MATN4: variants seen among roughly 807,000 people sequenced by gnomAD.
MATN4 encodes matrilin 4.
MATN4 carries 40 observed loss-of-function variants against 54.6 expected under a neutral mutation model. The ratio of observed to expected loss-of-function variants is 0.73; its 90% CI spans 0.57 to 0.95. The LOEUF (loss-of-function observed/expected upper bound fraction) is 0.95. Among genes scored for constraint, MATN4 ranks in the 40% least tolerant of loss-of-function variants. The pLI is 0.00. For synonymous variants in MATN4, 351 were observed against 345.3 expected (o/e 1.02, Z -0.18); for missense variants, 810 against 819.1 (o/e 0.99, Z 0.13).
chr20:45,298,961 C>T lies in MATN4; in HGVS notation c.1013-378G>A, dbSNP rs759194427. On this transcript the variant is annotated intron_variant, in intron 6 of 9. Transcript: ENST00000372756. This position sits in a 1 kb window ranked among gnomAD's most constrained non-coding sequence, Gnocchi z 4.6. ...TAATAATAACAAAAACATTATTTACCGACAGCTTACCATGTGGTAGGTACT... is the reference window on the plus strand; with the variant it reads ...TAATAATAACAAAAACATTATTTACTGACAGCTTACCATGTGGTAGGTACT... Among the ~76,000 whole-genome samples, 1 of 152,060 alleles carries T rather than the reference C, an allele frequency of 6.6e-6. No individual in the cohort carries two copies. Among genetic ancestry groups the T allele is most frequent in the Non-Finnish European group, 1.5e-5 (1 of 68,032 alleles).
At chr20:45,296,774 T>G (rs1041454399) in intron 8 of MATN4, among the ~76,000 whole-genome samples, 1 of 152,052 alleles carries the variant, frequency 6.6e-6, no homozygotes, top group Non-Finnish European at 1.5e-5. Flanking sequence ...GGACTGTATG[T>G]GTATATTTGT....
intron 1 of MATN4, among the ~76,000 whole-genome samples, chr20:45,306,666 G>GT (rs1986708383): frequency 6.6e-6 from 1 of 152,268 alleles, no homozygotes; most frequent in African/African-American, 2.4e-5. Flanking sequence ...CTTGGCGCCT[G>GT]TTTCCCGCCT....
At chr20:45,307,061 C>T (rs1986770927) in intron 1 of MATN4, 1 of 606,084 alleles carries the variant, frequency 1.6e-6, no homozygotes, top group African/African-American at 1.9e-5. Flanking sequence ...AGGCAGCCCG[C>T]CGAACTGCAA....
At chr20:45,303,360 T>G in intron 3 of MATN4, 2 of 704,662 alleles carry the variant, frequency 2.8e-6, no homozygotes, top group South Asian at 3.0e-5. Context: ...TCAGGAGCAG[T>G]GAGATTGCAG....
At chr20:45,303,641 T>C in intron 3 of MATN4, 1 of 605,972 alleles carries the variant, frequency 1.7e-6, no homozygotes, top group Non-Finnish European at 3.0e-6. Context: ...AATGACTAAT[T>C]TGAGAAGGGC....
intron 1 of MATN4, 31 bp downstream of exon 1, chr20:45,308,144 C>T: frequency 6.2e-7 from 1 of 1,611,112 alleles, no homozygotes; most frequent in Non-Finnish European, 8.5e-7. Context: ...CCCCTGCAGA[C>T]CCCTCAGTGC....
chr20:45,300,913 A>C lies in MATN4; in HGVS notation c.986T>G (p.Leu329Arg), dbSNP rs1429434935. 6.2e-7 allele frequency: 1 copy of C among 1,613,290 alleles called. No individual in the cohort carries two copies. Among genetic ancestry groups the C allele is most frequent in the Non-Finnish European group, 8.5e-7 (1 of 1,180,054 alleles). ...YRCLCPEGRQ[L>R]QADGKSCNRC... ...GTTGCAGCTCTTGCCATCTGCCTGAAGTTGCCGCCCCTCGGGGCACAGGCA... is the reference window on the plus strand; with the variant it reads ...GTTGCAGCTCTTGCCATCTGCCTGACGTTGCCGCCCCTCGGGGCACAGGCA... Residue 329 changes from leucine to arginine, a missense_variant, in exon 6 of 10, where the codon CTT becomes CGT. Leu to Arg is a moderately radical substitution (Grantham distance 102, BLOSUM62 -2). Coordinates refer to ENST00000372756, the MANE Select transcript of MATN4 (RefSeq NM_001393530.1).
At chr20:45,306,424 A>G (rs918385427) in intron 1 of MATN4, among the ~76,000 whole-genome samples, 14 of 152,168 alleles carry the variant, frequency 9.2e-5, no homozygotes, top group Admixed American at 7.2e-4. Flanking sequence ...CTGCCAGGCG[A>G]ACCTCTGCAG....
intron 8 of MATN4, among the ~76,000 whole-genome samples, chr20:45,294,989 ACTGTCTCC>A (rs376619649): frequency 6.6e-5 from 10 of 152,300 alleles, no homozygotes; most frequent in African/African-American, 2.4e-4. Context: ...ATGATCTGTC[ACTGTCTCC>A]CATCACCCAC....
chr20:45,293,922 C>T lies in MATN4; in HGVS notation c.1673G>A (p.Ser558Asn), dbSNP rs530627067. The change falls in exon 9 of 10, where the codon AGC becomes AAC. Residue 558 changes from serine to asparagine, a missense_variant. Physicochemically the swap from Ser to Asn is conservative, Grantham distance 46 (BLOSUM62 1). Transcript: ENST00000372756. ...FQGRTLGALE[S>N]LTLNLAQLTA... ...CCAAAGGATATGGTTCAGCGTCAGG[C>T]TCTCGAGCGCCCCCAGCGTGCGGCC... The T allele has an allele frequency of 1.3e-5, 21 of 1,602,082 alleles. No individual in the cohort carries two copies. The highest frequency in any genetic ancestry group is 1.6e-5 in the Non-Finnish European group (19 of 1,178,536).
intron 3 of MATN4, among the ~76,000 whole-genome samples, chr20:45,303,010 G>A (rs1447192748): frequency 6.7e-6 from 1 of 150,348 alleles, no homozygotes. Context: ...TTGAACCCGG[G>A]AGGCGGAGGT....
In MATN4 at chr20:45,300,967, T is replaced by G. The variant is rs1297009117; in HGVS notation, c.932A>C (p.Gln311Pro). 1 of 1,614,072 alleles carries G rather than the reference T, an allele frequency of 6.2e-7. No individual in the cohort carries two copies. Among genetic ancestry groups the G allele is most frequent in the Non-Finnish European group, 8.5e-7 (1 of 1,179,982 alleles). ...CNGVDHGCEF[Q>P]CVSEGLSYRC... ...GTAGGAGAGGCCCTCGCTCACACAC[T>G]GGAACTCACAGCCATGGTCCACGCC... Residue 311 changes from glutamine (Q) to proline (P), a missense_variant, in exon 6 of 10, where the codon CAG (glutamine) becomes CCG (proline). Physicochemically the swap from Gln to Pro is moderately conservative, Grantham distance 76 (BLOSUM62 -1). Coordinates refer to ENST00000372756, the MANE Select transcript of MATN4 (RefSeq NM_001393530.1).
chr20:45,299,709 C>T (rs1352549105), intron 6 of MATN4, among the ~76,000 whole-genome samples: 6 of 151,746 alleles, frequency 4.0e-5, no homozygotes, highest in African/African-American at 9.7e-5. Flanking sequence ...AAAACCCCAT[C>T]TCCACTAAAA....
In MATN4 at chr20:45,305,805, C is replaced by CTTTTTTTTTTTTTTTTTGTTTTTT. The variant is rs758735302; in HGVS notation, c.-34-190_-34-189insAAAAAACAAAAAAAAAAAAAAAAA. On this transcript the variant is annotated intron_variant, in intron 1 of 9. Coordinates refer to ENST00000372756, the MANE Select transcript of MATN4 (RefSeq NM_001393530.1). ...GGATTGCTGGGAAACACAAGAGATT[C>CTTTTTTTTTTTTTTTTTGTTTTTT]TTTTTTTTTTTTTTTTTAGATAGAG... Among the ~76,000 whole-genome samples, 2 of 64,676 alleles carry CTTTTTTTTTTTTTTTTTGTTTTTT rather than the reference C, an allele frequency of 3.1e-5. 1 individual carries two copies. Among genetic ancestry groups the CTTTTTTTTTTTTTTTTTGTTTTTT allele is most frequent in the Non-Finnish European group, 5.2e-5 (2 of 38,602 alleles). The allele number at this position is 64,676 out of a possible 152,430, so 42.4% of individuals were successfully genotyped here. A position where few individuals can be genotyped will look rare whatever the true frequency, so the allele number is the denominator to read the frequency against.
At chr20:45,301,860 A>G (rs562177800) in intron 3 of MATN4, among the ~76,000 whole-genome samples, 2 of 135,640 alleles carry the variant, frequency 1.5e-5, no homozygotes, top group Non-Finnish European at 3.2e-5. Context: ...TGGAGAGAGG[A>G]AAGAAAAAAA....
rs1460348327 is a variant in MATN4, at chr20:45,308,204, G to A, written c.-64C>T. 6.2e-7 allele frequency: 1 copy of A among 1,614,118 alleles called. No homozygotes were observed. Among genetic ancestry groups the A allele is most frequent in the Admixed American group, 1.7e-5 (1 of 60,022 alleles). ...GCCTGCAGGACAGATCAGAGATGCA[G>A]CTGCAGAGCGAAGCCGACAGGCGGA... On this transcript the variant is annotated 5_prime_UTR_variant, in exon 1 of 10. Coordinates refer to ENST00000372756, the MANE Select transcript of MATN4 (RefSeq NM_001393530.1).
chr20:45,308,517 G>A (rs1221664448), upstream of MATN4: 12 of 502,806 alleles, frequency 2.4e-5, no homozygotes, highest in Middle Eastern at 5.4e-4. Context: ...GGGGAGACCG[G>A]GGCAGCCACA....
At chr20:45,297,791 C>T in intron 8 of MATN4, 127 bp downstream of exon 8, 1 of 1,224,176 alleles carries the variant, frequency 8.2e-7, no homozygotes, top group Non-Finnish European at 1.2e-6. Context: ...TTTGGAGTAG[C>T]AAAGCTCTGT....
Position 45,293,860 on chromosome 20 carries a change from G to A in MATN4, c.1688-35C>T, listed in dbSNP as rs753460081. 22 of 1,609,092 alleles carry A rather than the reference G, an allele frequency of 1.4e-5. No individual in the cohort carries two copies. In the South Asian group the frequency reaches 2.1e-4, roughly 15 times the overall value. ...TAAGGAGGCCGTTGGGGTTCGCCGAGGTCCCTTCACTTTCCCTCCAGCCCG... is the reference window on the plus strand; with the variant it reads ...TAAGGAGGCCGTTGGGGTTCGCCGAAGTCCCTTCACTTTCCCTCCAGCCCG... On this transcript the variant is annotated intron_variant, in intron 9 of 9. Transcript: ENST00000372756.
Sources: allele counts gnomAD v4.1 joint callset (sites outside exome capture counted in the v4.1 genomes callset), GRCh38; gene constraint gnomAD v4.1.1; non-coding constraint Gnocchi (gnomAD v3.1); transcripts MANE v1.5; gene names NCBI Gene and HGNC (gene_info 2026-07-23, HGNC 2026-07-21).